Variants in DAB2IP observed in about 807,000 individuals in gnomAD.
The protein encoded by DAB2IP is disabled homolog 2-interacting protein.
DAB2IP carries 28 observed loss-of-function variants against 107.2 expected under a neutral mutation model. The observed-to-expected ratio is 0.26, with a 90% CI of 0.19 to 0.36. The LOEUF is 0.36. Among genes scored for constraint, DAB2IP ranks in the 10% least tolerant of loss-of-function variants. The pLI is 1.00. For missense variants in DAB2IP, 1,400 were observed against 1,644.7 expected (o/e 0.85, Z 2.57); for synonymous variants, 755 against 706.4 (o/e 1.07, Z -1.09).
At chr9:121,665,277 G>A (rs879309332) in intron 1 of DAB2IP, among the ~76,000 whole-genome samples, 18 of 152,226 alleles carry the variant, frequency 1.2e-4, no homozygotes, top group Non-Finnish European at 2.9e-5. Flanking sequence ...GCCAAGGCTG[G>A]AAGGAGGATT....
At chr9:121,775,596 A>G (rs1835143886) in intron 13 of DAB2IP, among the ~76,000 whole-genome samples, 1 of 152,134 alleles carries the variant, frequency 6.6e-6, no homozygotes, top group Non-Finnish European at 1.5e-5. Flanking sequence ...CCTCGTCCAC[A>G]TCCCTGCTCC....
chr9:121,770,461 G>C, intron 10 of DAB2IP, 85 bp from the exon 11 acceptor site: 1 of 1,486,536 alleles, frequency 6.7e-7, no homozygotes, highest in Non-Finnish European at 9.2e-7. Flanking sequence ...CTCCGCAGTG[G>C]TTTTGAGCCA....
chr9:121,734,160 G>C (rs897804873), intron 3 of DAB2IP, among the ~76,000 whole-genome samples: 1 of 150,908 alleles, frequency 6.6e-6, no homozygotes, highest in South Asian at 2.1e-4. Context: ...GGTGGATCAC[G>C]AGGTCAGGAG....
intron 1 of DAB2IP, among the ~76,000 whole-genome samples, chr9:121,588,050 G>A (rs937154033): frequency 6.6e-6 from 1 of 152,122 alleles, no homozygotes; most frequent in Non-Finnish European, 1.5e-5. Context: ...CTATCCATGC[G>A]TTGAAGCCCT....
chr9:121,711,563 T>C (rs973254851), intron 3 of DAB2IP, among the ~76,000 whole-genome samples: 5 of 152,232 alleles, frequency 3.3e-5, no homozygotes, highest in Non-Finnish European at 5.9e-5. Context: ...CATTATTTGG[T>C]AAACATTCTT....
At position 121,768,716 on chromosome 9, in the gene DAB2IP, G is replaced by A. The variant is rs957502970; in HGVS notation, c.1899+83G>A. On this transcript the variant is annotated intron_variant, in intron 10 of 15. Transcript: ENST00000408936. The stretch of plus-strand genomic sequence containing the variant: ...TCCCCCTTCCAGAGTAACCATGGAG[G>A]GCAGAGAGTTTGCCCAAGTGGCATG... 5.1e-6 allele frequency: 8 copies of A among 1,558,844 alleles called. No homozygotes were observed. The Admixed American group carries it at 6.9e-5, about 13-fold the overall frequency.
At chr9:121,729,927 G>A (rs543797810) in intron 3 of DAB2IP, among the ~76,000 whole-genome samples, 3 of 152,160 alleles carry the variant, frequency 2.0e-5, no homozygotes, top group East Asian at 3.9e-4. Context: ...TCCCTGGAAG[G>A]CTCCTCCCAG....
chr9:121,676,641 A>ACACACACACACACACACACT (rs1219329345), intron 1 of DAB2IP, among the ~76,000 whole-genome samples: 45 of 151,776 alleles, frequency 3.0e-4, no homozygotes, highest in African/African-American at 1.0e-3. Context: ...AGACGCACAC[A>ACACACACACACACACACACT]CACACACACA....
intron 1 of DAB2IP, among the ~76,000 whole-genome samples, chr9:121,590,424 T>C (rs1589381944): frequency 6.6e-6 from 1 of 151,902 alleles, no homozygotes; most frequent in Non-Finnish European, 1.5e-5. Flanking sequence ...CCCCAGCCTA[T>C]CTGTGAAAAG....
chr9:121,664,723 G>T (rs1833347387), intron 1 of DAB2IP, among the ~76,000 whole-genome samples: 1 of 152,150 alleles, frequency 6.6e-6, no homozygotes, highest in Non-Finnish European at 1.5e-5. Flanking sequence ...GAGACCCCTG[G>T]GTCAGAGACA....
intron 2 of DAB2IP, among the ~76,000 whole-genome samples, chr9:121,691,621 C>G (rs976413756): frequency 6.6e-6 from 1 of 152,230 alleles, no homozygotes; most frequent in Admixed American, 6.5e-5. Context: ...TTCTTCCATG[C>G]GTGATCTCAT....
Position 121,736,723 on chromosome 9 carries a change from G to A in DAB2IP, c.363-20290G>A, listed in dbSNP as rs777677603. ...GGTTCCCCCGCTCCTGCCTTCCACT[G>A]CTCTGGCTGACCTGGCTCAGACCAG... is the stretch of plus-strand genomic sequence containing the variant. On this transcript the variant is annotated intron_variant, in intron 3 of 15. Transcript: ENST00000408936. This position sits in a 1 kb window ranked among gnomAD's most constrained non-coding sequence, Gnocchi z 4.6. 5.1e-4 allele frequency among the ~76,000 whole-genome samples: 77 copies of A among 152,368 alleles called. No homozygotes were observed. Among genetic ancestry groups the A allele is most frequent in the Non-Finnish European group, 9.6e-4 (65 of 68,038 alleles).
intron 1 of DAB2IP, among the ~76,000 whole-genome samples, chr9:121,638,560 G>C (rs1589437204): frequency 6.6e-6 from 1 of 152,342 alleles, no homozygotes; most frequent in South Asian, 2.1e-4. Flanking sequence ...TGGAAAGGAA[G>C]AGTGAATGCG....
intron 1 of DAB2IP, among the ~76,000 whole-genome samples, chr9:121,653,398 T>C (rs1383046433): frequency 6.6e-6 from 1 of 152,122 alleles, no homozygotes; most frequent in Middle Eastern, 3.2e-3. Context: ...CTGTTAATTC[T>C]GTACTTACTC....
intron 1 of DAB2IP, among the ~76,000 whole-genome samples, chr9:121,631,205 G>A (rs185675648): frequency 2.1e-4 from 32 of 152,326 alleles, no homozygotes; most frequent in Admixed American, 9.1e-4. Context: ...GTTGCGGGAG[G>A]GGGCAAGGCA....
At chr9:121,655,563 CTCTT>C (rs1832936750) in intron 1 of DAB2IP, among the ~76,000 whole-genome samples, 1 of 152,196 alleles carries the variant, frequency 6.6e-6, no homozygotes. Flanking sequence ...GGGCACAAGT[CTCTT>C]TCTAGGGGAC....
intron 2 of DAB2IP, among the ~76,000 whole-genome samples, chr9:121,696,072 T>C (rs1589532110): frequency 6.6e-6 from 1 of 152,214 alleles, no homozygotes; most frequent in Non-Finnish European, 1.5e-5. Context: ...TTTTGCCATC[T>C]TGGCCAGGCT....
intron 2 of DAB2IP, among the ~76,000 whole-genome samples, chr9:121,697,254 A>C (rs1407840789): frequency 3.9e-5 from 6 of 152,238 alleles, no homozygotes; most frequent in Non-Finnish European, 7.3e-5. Flanking sequence ...AATGAGCTAC[A>C]TAAATTGTGA....
chr9:121,759,856 G>T, intron 5 of DAB2IP, 29 bp from the exon 6 acceptor site: 1 of 1,584,556 alleles, frequency 6.3e-7, no homozygotes, highest in South Asian at 1.2e-5. Flanking sequence ...ACCCCCAGCT[G>T]ACCACCCTGG....
Sources: gnomAD v4.1 joint callset for allele counts (sites outside exome capture counted in the v4.1 genomes callset) on GRCh38, gnomAD v4.1.1 for gene constraint, Gnocchi (gnomAD v3.1) non-coding constraint, MANE v1.5 for transcripts, NCBI Gene and HGNC (gene_info 2026-07-23, HGNC 2026-07-21) for gene names.